ZNF365: variants seen among roughly 807,000 people sequenced by gnomAD.
ZNF365 encodes the protein zinc finger protein 365.
In ZNF365, 22 loss-of-function variants were observed where a neutral mutation model predicts 35.0. That is an observed-to-expected ratio of 0.63 (90% CI 0.45 to 0.90). The LOEUF (loss-of-function observed/expected upper bound fraction) is 0.90. Among genes scored for constraint, ZNF365 ranks in the 40% least tolerant of loss-of-function variants. ZNF365 has a pLI of 0.00. For missense variants in ZNF365, 448 were observed against 500.3 expected, an observed-to-expected ratio of 0.90 and a Z score of 1.00; for synonymous variants, 188 against 196.2, an observed-to-expected ratio of 0.96 and a Z score of 0.35.
chr10:62,374,876 G>A (rs1056730341), intron 1 of ZNF365, among the ~76,000 whole-genome samples: 2 of 152,024 alleles, frequency 1.3e-5, no homozygotes, highest in Non-Finnish European at 2.9e-5. Flanking sequence ...CTTACCTCTT[G>A]TCAGCGTCTT....
At chr10:62,407,138 A>G (rs1288905625), downstream of ZNF365, among the ~76,000 whole-genome samples, 2 of 152,188 alleles carry the variant, frequency 1.3e-5, no homozygotes, top group Admixed American at 6.5e-5. Context: ...AGCCATTCCT[A>G]CAAACTTTAT....
chr10:62,446,733 G>A (rs568448665), intron 3 of ZNF365, among the ~76,000 whole-genome samples: 28 of 152,258 alleles, frequency 1.8e-4, no homozygotes, highest in African/African-American at 5.8e-4. Context: ...GTTGCTGGTC[G>A]TTTTGTAGAG....
chr10:62,445,531 T>C (rs928918992), intron 3 of ZNF365, among the ~76,000 whole-genome samples: 9 of 152,184 alleles, frequency 5.9e-5, no homozygotes, highest in Non-Finnish European at 1.0e-4. Context: ...TCATCAGAAT[T>C]GCATGGAGAG....
rs1256438158 is a variant in ZNF365 at position 62,388,573 on chromosome 10, C to T, written c.921C>T (p.His307=). 2 of 1,613,508 alleles carry T rather than the reference C, an allele frequency of 1.2e-6. No homozygotes were observed. Among genetic ancestry groups the T allele is most frequent in the African/African-American group, 1.3e-5 (1 of 74,886 alleles). ...ASGFVRDLSG[H]VLTDISSNRK... is the part of the protein sequence containing the mutation. ...GCTTTGTCCGTGATCTCAGCGGGCACGTGGTGAGTCACCCCGGGCCAGCCA... is the reference window on the plus strand; with the variant it reads ...GCTTTGTCCGTGATCTCAGCGGGCATGTGGTGAGTCACCCCGGGCCAGCCA... The change falls in exon 3 of 5, where the codon CAC becomes CAT. Residue 307 remains histidine (H), a synonymous_variant. Transcript: ENST00000395254.
chr10:62,471,264 G>A lies in ZNF365; in HGVS notation c.982-8612G>A, dbSNP rs547020457. Among the ~76,000 whole-genome samples, 562 of 151,858 alleles carry A rather than the reference G, an allele frequency of 3.7e-3. 9 individuals carry two copies. The highest frequency in any genetic ancestry group is 7.1e-4 in the Non-Finnish European group (48 of 67,968). On this transcript the variant is annotated intron_variant, in intron 4 of 4. Transcript: ENST00000395255. ...ACCTGTAGTCCCAGCTACTCAGGAG[G>A]CTGAGGCAGAAGAATGGTGTGAACC...
intron 3 of ZNF365, among the ~76,000 whole-genome samples, chr10:62,391,632 A>T (rs1424215769): frequency 6.6e-6 from 1 of 152,232 alleles, no homozygotes; most frequent in Non-Finnish European, 1.5e-5. Context: ...CAATTTCTTT[A>T]TCCACTCGTT....
intron 4 of ZNF365, among the ~76,000 whole-genome samples, chr10:62,468,246 A>G (rs1012407323): frequency 2.0e-5 from 3 of 152,206 alleles, no homozygotes; most frequent in Non-Finnish European, 4.4e-5. Context: ...AACTTTGCAT[A>G]TATTTCCTAT....
intron 3 of ZNF365, among the ~76,000 whole-genome samples, chr10:62,422,602 G>A (rs1031988834): frequency 1.3e-5 from 2 of 152,182 alleles, no homozygotes; most frequent in Non-Finnish European, 2.9e-5. Context: ...AACCCAGTAG[G>A]AGAAACAGTG....
intron 4 of ZNF365, among the ~76,000 whole-genome samples, chr10:62,461,956 C>A (rs943270367): frequency 6.6e-6 from 1 of 152,084 alleles, no homozygotes; most frequent in African/African-American, 2.4e-5. Context: ...AACAGGAATA[C>A]TTTGGAATTC....
chr10:62,477,869 A>C (rs1841158490), intron 4 of ZNF365, among the ~76,000 whole-genome samples: 1 of 152,200 alleles, frequency 6.6e-6, no homozygotes, highest in Non-Finnish European at 1.5e-5. Context: ...CTACTCTTGA[A>C]TTCAATGTGG....
At chr10:62,416,602 T>C (rs577130396) in intron 3 of ZNF365, among the ~76,000 whole-genome samples, 96 of 152,256 alleles carry the variant, frequency 6.3e-4, no homozygotes, top group African/African-American at 2.0e-3. Context: ...TTGAATCTTA[T>C]TGAGGCGGAG....
intron 2 of ZNF365, among the ~76,000 whole-genome samples, chr10:62,382,054 G>A (rs774404686): frequency 4.6e-5 from 7 of 152,210 alleles, no homozygotes; most frequent in Non-Finnish European, 1.0e-4. Context: ...CAGGTCATTA[G>A]GGTGTATGAC....
At chr10:62,438,053 C>T (rs1028301195) in intron 3 of ZNF365, among the ~76,000 whole-genome samples, 3 of 152,146 alleles carry the variant, frequency 2.0e-5, no homozygotes, top group African/African-American at 2.4e-5. Flanking sequence ...AATTAGTTAA[C>T]AGATAGGAGC....
Position 62,434,964 on chromosome 10 carries a change from T to C in ZNF365, c.925-24777T>C, listed in dbSNP as rs968246913. On this transcript the variant is annotated intron_variant, in intron 3 of 4. Coordinates refer to the ZNF365 transcript ENST00000395255. The stretch of plus-strand genomic sequence containing the variant: ...GCATCAGACACTGTTTCAGACCCTC[T>C]GGATACAGCAATGAACAAGATGGGT... 5.9e-5 allele frequency among the ~76,000 whole-genome samples: 9 copies of C among 152,282 alleles called. No homozygotes were observed. The East Asian group carries it at 1.5e-3, about 26-fold the overall frequency.
chr10:62,443,728 T>G (rs1052476709), intron 3 of ZNF365, among the ~76,000 whole-genome samples: 2 of 152,170 alleles, frequency 1.3e-5, no homozygotes, highest in African/African-American at 2.4e-5. Flanking sequence ...CCATAAAACT[T>G]CTGTGCTCAG....
At chr10:62,431,957 T>C (rs143313663) in intron 3 of ZNF365, among the ~76,000 whole-genome samples, 1 of 152,214 alleles carries the variant, frequency 6.6e-6, no homozygotes, top group African/African-American at 2.4e-5. Flanking sequence ...GAAAGAAGAA[T>C]GAGAGACCTG....
chr10:62,380,637 G>A (rs1354438466), intron 2 of ZNF365, among the ~76,000 whole-genome samples: 1 of 152,190 alleles, frequency 6.6e-6, no homozygotes, highest in African/African-American at 2.4e-5. Flanking sequence ...GAAGGTATCT[G>A]TAGGTTTTGG....
intron 3 of ZNF365, among the ~76,000 whole-genome samples, chr10:62,418,373 A>G (rs749394407): frequency 1.5e-4 from 23 of 152,016 alleles, no homozygotes; most frequent in Non-Finnish European, 2.7e-4. Context: ...AACAAAGTTT[A>G]TAGGAGGCCA....
chr10:62,464,637 C>A (rs1840902426), intron 4 of ZNF365, among the ~76,000 whole-genome samples: 1 of 152,216 alleles, frequency 6.6e-6, no homozygotes, highest in Non-Finnish European at 1.5e-5. Flanking sequence ...TCCTTTCTTT[C>A]ACTGGTGTTT....
Sources: gnomAD v4.1 joint callset for allele counts (sites outside exome capture counted in the v4.1 genomes callset) on GRCh38, gnomAD v4.1.1 for gene constraint, MANE v1.5 for transcripts, NCBI Gene and HGNC (gene_info 2026-07-23, HGNC 2026-07-21) for gene names.